The following RFC2 variants were observed in gnomAD, a reference collection of about 807,000 sequenced individuals.
RFC2 encodes the protein replication factor C subunit 2.
In RFC2, 34 loss-of-function variants were observed where a neutral mutation model predicts 44.8. The ratio of observed to expected loss-of-function variants is 0.76; its 90% CI spans 0.58 to 1.01. The LOEUF (loss-of-function observed/expected upper bound fraction) is 1.01, where lower values mean the gene tolerates loss of function less well. RFC2 is among the 50% of genes least tolerant of loss of function. The pLI, the probability that RFC2 is intolerant of heterozygous loss-of-function variation, is 0.00. For missense variants in RFC2, 400 were observed against 453.6 expected (o/e 0.88, Z 1.07); for synonymous variants, 177 against 168.9 (o/e 1.05, Z -0.37).
chr7:74,236,003 C>T (rs1554718275), intron 9 of RFC2, among the ~76,000 whole-genome samples: 1 of 152,198 alleles, frequency 6.6e-6, no homozygotes, highest in Non-Finnish European at 1.5e-5. Context: ...TCTACTACCA[C>T]ACCCATGTAA....
rs1490480024 is a variant in RFC2 at position 74,249,172 on chromosome 7, G to C, written c.226-54C>G. 3.1e-6 allele frequency: 5 copies of C among 1,611,298 alleles called. No individual in the cohort carries two copies. In the East Asian group the frequency reaches 8.9e-5, roughly 29 times the overall value. ...CAAACCACCAGAAGGACCTCAGGTAGCTCTTGAGTTATGTTCACTGCTGTT... is the reference window on the plus strand; with the variant it reads ...CAAACCACCAGAAGGACCTCAGGTACCTCTTGAGTTATGTTCACTGCTGTT... On this transcript the variant is annotated intron_variant, in intron 3 of 10. Transcript: ENST00000055077.
At chr7:74,246,906 T>G (rs368395695) in intron 4 of RFC2, 143 bp from the exon 5 acceptor site, 2 of 502,974 alleles carry the variant, frequency 4.0e-6, no homozygotes, top group African/African-American at 4.0e-5. Context: ...TGTAACTATT[T>G]ATAAGGATTG....
chr7:74,232,838 C>T (rs1313197170), intron 10 of RFC2, among the ~76,000 whole-genome samples: 3 of 152,052 alleles, frequency 2.0e-5, no homozygotes, highest in Admixed American at 6.6e-5. Context: ...GCACTCCAGC[C>T]TGGGCAACAG....
At chr7:74,241,793 CTA>C (rs1261319097) in intron 6 of RFC2, among the ~76,000 whole-genome samples, 2 of 152,152 alleles carry the variant, frequency 1.3e-5, no homozygotes, top group African/African-American at 4.8e-5. Context: ...AACCTCGTCT[CTA>C]AGAAAAATAC....
intron 6 of RFC2, among the ~76,000 whole-genome samples, chr7:74,242,682 C>T (rs949280500): frequency 2.7e-5 from 4 of 149,360 alleles, no homozygotes; most frequent in Non-Finnish European, 1.5e-5. Context: ...TTTGGGAGGC[C>T]GAGGCAGGCG....
rs1554717229 is a variant in RFC2, at chr7:74,232,056, C to T, written c.*50G>A. The T allele has an allele frequency of 9.0e-7, 1 of 1,116,734 alleles. No individual in the cohort carries two copies. The highest frequency in any genetic ancestry group is 1.3e-5 in the South Asian group (1 of 79,084). The allele number at this position is 1,116,734 out of a possible 1,614,324, so 69.2% of individuals were successfully genotyped here. A position where few individuals can be genotyped will look rare whatever the true frequency, so the allele number is the denominator to read the frequency against. ...TTTCCCCCATCAGAAAGCCGCGGCT[C>T]CTGTACCTCAGAATAGGGCACCTGT... On this transcript the variant is annotated 3_prime_UTR_variant, in exon 11 of 11. Transcript: ENST00000055077.
In RFC2 at chr7:74,240,033, T is replaced by A; in HGVS notation, c.598A>T (p.Thr200Ser). The change falls in exon 7 of 11, where the codon ACC becomes TCC. Residue 200 changes from threonine to serine, a missense_variant. By Grantham distance (58) the Thr-to-Ser change is moderately conservative. Coordinates refer to ENST00000055077, the MANE Select transcript of RFC2 (RefSeq NM_181471.3). ...TTCTCGATAACATTCATCAGCCTGGTGAGGATCTGGGCGTCGGTCAGCTTT... is the reference window on the plus strand; with the variant it reads ...TTCTCGATAACATTCATCAGCCTGGAGAGGATCTGGGCGTCGGTCAGCTTT... The part of the protein sequence containing the change: ...YTKLTDAQIL[T>S]RLMNVIEKER... 6.2e-7 allele frequency: 1 copy of A among 1,614,062 alleles called. No individual in the cohort carries two copies. The highest frequency in any genetic ancestry group is 1.1e-5 in the South Asian group (1 of 91,074).
intron 2 of RFC2, 164 bp from the exon 3 acceptor site, chr7:74,249,944 A>G: frequency 1.5e-6 from 1 of 670,502 alleles, no homozygotes. Flanking sequence ...CAATCACTTG[A>G]GGCCTGAGGC....
intron 5 of RFC2, among the ~76,000 whole-genome samples, chr7:74,245,148 G>A (rs1172863861): frequency 1.3e-5 from 2 of 151,172 alleles, no homozygotes; most frequent in African/African-American, 2.4e-5. Context: ...TCCTGCCTCA[G>A]CCTCCCAAGT....
chr7:74,252,312 C>G, intron 2 of RFC2, 117 bp downstream of exon 2: 2 of 601,264 alleles, frequency 3.3e-6, no homozygotes, highest in South Asian at 3.3e-5. Flanking sequence ...GAGGCTGAGG[C>G]AGGAGAATGG....
chr7:74,238,501 A>C lies in RFC2; in HGVS notation c.759+422T>G, dbSNP rs1803145834. On this transcript the variant is annotated intron_variant, in intron 8 of 10. Coordinates refer to ENST00000055077, the MANE Select transcript of RFC2 (RefSeq NM_181471.3). This position sits in a 1 kb window ranked among gnomAD's most constrained non-coding sequence, Gnocchi z 4.0. ...AGCAGGGCACAGCATTGCAGAAAAA[A>C]CCCAGGGTGTGGGGTCTGAAGGCTA... Among the ~76,000 whole-genome samples the C allele has an allele frequency of 6.6e-6, 1 of 151,120 alleles. No individual in the cohort carries two copies. Among genetic ancestry groups the C allele is most frequent in the Non-Finnish European group, 1.5e-5 (1 of 67,796 alleles).
chr7:74,235,675 A>G, intron 9 of RFC2, 30 bp from the exon 10 acceptor site: 2 of 1,404,584 alleles, frequency 1.4e-6, no homozygotes, highest in Non-Finnish European at 2.0e-6. Flanking sequence ...AAGGCTGCTT[A>G]CCACTTTAAA....
chr7:74,237,513 C>T (rs562814148), intron 8 of RFC2, 71 bp from the exon 9 acceptor site: 15 of 937,496 alleles, frequency 1.6e-5, no homozygotes, highest in Middle Eastern at 2.9e-4. Context: ...CCCAACAGAC[C>T]GACTTCCAGG....
chr7:74,239,013 A>C, intron 7 of RFC2, 25 bp from the exon 8 acceptor site: 3 of 1,594,810 alleles, frequency 1.9e-6, no homozygotes, highest in South Asian at 2.2e-5. Context: ...ACACATGTCA[A>C]GGATGATTTT....
chr7:74,251,538 G>A (rs371174671), intron 2 of RFC2, among the ~76,000 whole-genome samples: 5 of 152,224 alleles, frequency 3.3e-5, no homozygotes, highest in South Asian at 2.1e-4. Flanking sequence ...GGTGGCTCAC[G>A]CCTGTAATCC....
intron 6 of RFC2, among the ~76,000 whole-genome samples, chr7:74,242,781 G>A (rs1009641593): frequency 1.3e-5 from 2 of 151,698 alleles, no homozygotes; most frequent in African/African-American, 2.4e-5. Flanking sequence ...AAATTAGCTG[G>A]GTGTGGTTGT....
At chr7:74,243,053 C>T in intron 6 of RFC2, 93 bp downstream of exon 6, 1 of 821,540 alleles carries the variant, frequency 1.2e-6, no homozygotes, top group Non-Finnish European at 2.0e-6. Flanking sequence ...CACTGCACTC[C>T]AGCCTGAGCG....
At chr7:74,247,096 C>T (rs1229498870) in intron 4 of RFC2, among the ~76,000 whole-genome samples, 1 of 148,484 alleles carries the variant, frequency 6.7e-6, no homozygotes, top group South Asian at 2.2e-4. Context: ...CACGCCACTG[C>T]ACCCCAGCCT....
chr7:74,239,690 GC>G (rs1803217500), intron 7 of RFC2, among the ~76,000 whole-genome samples: 1 of 152,086 alleles, frequency 6.6e-6, no homozygotes, highest in Non-Finnish European at 1.5e-5. Context: ...TGTTGGCCAG[GC>G]TGGTCTTGAA....
Sources: gnomAD v4.1 joint callset for allele counts (sites outside exome capture counted in the v4.1 genomes callset) on GRCh38, gnomAD v4.1.1 for gene constraint, Gnocchi (gnomAD v3.1) non-coding constraint, MANE v1.5 for transcripts, NCBI Gene and HGNC (gene_info 2026-07-23, HGNC 2026-07-21) for gene names.